HPSE2: variants seen among roughly 807,000 people sequenced by gnomAD.
The protein encoded by HPSE2 is inactive heparanase-2.
In HPSE2, 38 loss-of-function variants were observed where a neutral mutation model predicts 60.5. The ratio of observed to expected loss-of-function variants is 0.63; its 90% CI spans 0.48 to 0.82. HPSE2 has a LOEUF of 0.82. Ranked by LOEUF, HPSE2 falls within the 40% of genes least tolerant of loss-of-function variation. The pLI is 0.00. For missense variants in HPSE2, 713 were observed against 740.4 expected (o/e 0.96, Z 0.43); for synonymous variants, 295 against 293.2 (o/e 1.01, Z -0.06).
At chr10:99,076,595 T>C (rs138887116) in intron 3 of HPSE2, among the ~76,000 whole-genome samples, 1 of 151,916 alleles carries the variant, frequency 6.6e-6, no homozygotes, top group African/African-American at 2.4e-5. Context: ...GTCACATTGG[T>C]CAGGCTGGTC....
intron 3 of HPSE2, among the ~76,000 whole-genome samples, chr10:99,006,623 C>T (rs989591718): frequency 6.6e-6 from 1 of 151,998 alleles, no homozygotes; most frequent in Non-Finnish European, 1.5e-5. Flanking sequence ...TGATGTCCAG[C>T]TTGGTGGTTT....
intron 6 of HPSE2, among the ~76,000 whole-genome samples, chr10:98,673,165 A>T (rs1947550109): frequency 1.3e-5 from 2 of 152,208 alleles, no homozygotes; most frequent in South Asian, 4.1e-4. Flanking sequence ...ATACAATCAA[A>T]CAGACGTGTT....
chr10:98,696,969 T>G (rs571401322), intron 5 of HPSE2, among the ~76,000 whole-genome samples: 1 of 151,816 alleles, frequency 6.6e-6, no homozygotes, highest in Admixed American at 6.6e-5. Context: ...AACAAAAAAA[T>G]GTCCCACAAA....
At chr10:98,893,921 C>T (rs1953410117) in intron 3 of HPSE2, among the ~76,000 whole-genome samples, 1 of 150,350 alleles carries the variant, frequency 6.7e-6, no homozygotes, top group Non-Finnish European at 1.5e-5. Flanking sequence ...AAAAAATAGG[C>T]AGTAAAGAAA....
At chr10:99,250,502 T>C in the HPSE2 span, among the ~76,000 whole-genome samples, 1 of 152,140 alleles carries the variant, frequency 6.6e-6, no homozygotes, top group South Asian at 2.1e-4. Context: ...TGACCAATTA[T>C]ACCTAGTAGA....
the HPSE2 span, among the ~76,000 whole-genome samples, chr10:99,244,369 T>G: frequency 7.5e-6 from 1 of 134,022 alleles, no homozygotes; most frequent in Non-Finnish European, 1.6e-5. Context: ...TTGACCTTTT[T>G]ATTTTTATTT....
At chr10:98,465,654 A>G (rs1940496473) in intron 11 of HPSE2, among the ~76,000 whole-genome samples, 1 of 152,168 alleles carries the variant, frequency 6.6e-6, no homozygotes, top group Non-Finnish European at 1.5e-5. Flanking sequence ...TTGTTTCTCC[A>G]ATTCCAGCTG....
chr10:98,927,466 T>C (rs1954507028), intron 3 of HPSE2, among the ~76,000 whole-genome samples: 1 of 149,432 alleles, frequency 6.7e-6, no homozygotes, highest in Non-Finnish European at 1.5e-5. Flanking sequence ...ATGACTTTCT[T>C]CACAGAATTG....
chr10:99,177,342 C>G (rs1168725669), intron 2 of HPSE2, among the ~76,000 whole-genome samples: 1 of 151,980 alleles, frequency 6.6e-6, no homozygotes, highest in Non-Finnish European at 1.5e-5. Flanking sequence ...TGCATGGAGT[C>G]AAGACCCATC....
chr10:98,547,349 T>C (rs1196601993), intron 9 of HPSE2, among the ~76,000 whole-genome samples: 1 of 148,574 alleles, frequency 6.7e-6, no homozygotes, highest in Non-Finnish European at 1.5e-5. Flanking sequence ...TAAAGACACA[T>C]GCACACGTAT....
intron 3 of HPSE2, among the ~76,000 whole-genome samples, chr10:98,890,077 T>G (rs1332265159): frequency 1.3e-5 from 2 of 152,182 alleles, no homozygotes; most frequent in Non-Finnish European, 2.9e-5. Context: ...ATAGTTATCT[T>G]ATATGTAGTT....
chr10:99,193,888 T>C (rs140233045), intron 2 of HPSE2, among the ~76,000 whole-genome samples: 4,822 of 152,104 alleles, frequency 0.032, 122 homozygotes, highest in Middle Eastern at 0.082. Context: ...ATCATCCAGA[T>C]AGAAAATCAA....
chr10:99,102,327 A>G (rs565819219), intron 3 of HPSE2, among the ~76,000 whole-genome samples: 1 of 152,324 alleles, frequency 6.6e-6, no homozygotes, highest in East Asian at 1.9e-4. Context: ...AGAAATACAA[A>G]CTACCATCAG....
rs1844634342 is a variant in HPSE2 at position 99,115,170 on chromosome 10, T to C, written c.610+29068A>G. ...AGCTAAATGTGTTTTTTTTTTTTTT[T>C]GAGACGGAGTCTCGCTCTGTCACCC... is the stretch of plus-strand genomic sequence containing the variant. On this transcript the variant is annotated intron_variant, in intron 3 of 11. Transcript: ENST00000370552. 2.0e-5 allele frequency among the ~76,000 whole-genome samples: 3 copies of C among 149,206 alleles called. No individual in the cohort carries two copies. In the South Asian group the frequency reaches 6.4e-4, roughly 32 times the overall value.
At chr10:99,025,775 G>T (rs1041431137) in intron 3 of HPSE2, among the ~76,000 whole-genome samples, 4 of 151,922 alleles carry the variant, frequency 2.6e-5, no homozygotes, top group Non-Finnish European at 4.4e-5. Flanking sequence ...TAATACCTGG[G>T]TGATGAAATA....
intron 6 of HPSE2, among the ~76,000 whole-genome samples, chr10:98,661,229 T>C (rs1947216461): frequency 6.6e-6 from 1 of 152,234 alleles, no homozygotes; most frequent in African/African-American, 2.4e-5. Context: ...GGAAGCAGCA[T>C]GATAAAACTT....
intron 2 of HPSE2, among the ~76,000 whole-genome samples, chr10:99,228,956 G>C (rs990304655): frequency 6.6e-6 from 1 of 151,934 alleles, no homozygotes; most frequent in Non-Finnish European, 1.5e-5. Context: ...GGGCAGATCA[G>C]TTGAGGTCAG....
intron 3 of HPSE2, among the ~76,000 whole-genome samples, chr10:99,141,085 A>G (rs1845850841): frequency 6.6e-6 from 1 of 152,228 alleles, no homozygotes; most frequent in South Asian, 2.1e-4. Context: ...TACACAGTAG[A>G]ACATTTTCAA....
intron 3 of HPSE2, among the ~76,000 whole-genome samples, chr10:98,790,856 AGAT>A (rs888524998): frequency 6.6e-5 from 10 of 152,218 alleles, no homozygotes; most frequent in African/African-American, 2.4e-4. Flanking sequence ...GATGTGTAAA[AGAT>A]GATGACTGAG....
Sources: allele counts gnomAD v4.1 joint callset (sites outside exome capture counted in the v4.1 genomes callset), GRCh38; gene constraint gnomAD v4.1.1; transcripts MANE v1.5; gene names NCBI Gene and HGNC (gene_info 2026-07-23, HGNC 2026-07-21).